The following PLEKHM3 variants were observed in gnomAD, a reference collection of about 807,000 sequenced individuals.
The protein encoded by PLEKHM3 is pleckstrin homology domain-containing family M member 3.
PLEKHM3 carries 45 observed loss-of-function variants against 81.8 expected under a neutral mutation model. That is an observed-to-expected ratio of 0.55 (90% CI 0.43 to 0.71). The LOEUF (loss-of-function observed/expected upper bound fraction) is 0.71, where lower values mean the gene tolerates loss of function less well. Among genes scored for constraint, PLEKHM3 ranks in the 30% least tolerant of loss-of-function variants. The pLI, the probability that PLEKHM3 is intolerant of heterozygous loss-of-function variation, is 0.00. For synonymous variants in PLEKHM3, 352 were observed against 356.4 expected, an observed-to-expected ratio of 0.99 and a Z score of 0.14; for missense variants, 788 against 924.3, an observed-to-expected ratio of 0.85 and a Z score of 1.91.
intron 6 of PLEKHM3, among the ~76,000 whole-genome samples, chr2:207,906,975 G>A (rs1688631094): frequency 6.6e-6 from 1 of 151,994 alleles, no homozygotes; most frequent in Non-Finnish European, 1.5e-5. Flanking sequence ...CAACCAGAGA[G>A]GAAAACAACA....
chr2:207,935,910 A>G (rs756760581), intron 4 of PLEKHM3, among the ~76,000 whole-genome samples: 16 of 152,230 alleles, frequency 1.1e-4, no homozygotes, highest in Non-Finnish European at 2.2e-4. Context: ...TTTGATTTTA[A>G]CTTTAAAATA....
intron 1 of PLEKHM3, among the ~76,000 whole-genome samples, chr2:208,005,545 G>A (rs1051091903): frequency 6.6e-5 from 10 of 152,068 alleles, no homozygotes; most frequent in African/African-American, 1.2e-4. Context: ...GGAAGCCCAC[G>A]GAGGCAAAGT....
rs1442976170 is a variant in PLEKHM3, at chr2:207,824,616, G to C, written c.*3703C>G. On this transcript the variant is annotated 3_prime_UTR_variant, in exon 8 of 8. Transcript: ENST00000427836. Reference sequence around the variant, plus strand: ...CGGCCTTTTCTAGCCAATGGGTAGAGAACAAACTCCCAGGTTTGGAAGCCA... The same window carrying C: ...CGGCCTTTTCTAGCCAATGGGTAGACAACAAACTCCCAGGTTTGGAAGCCA... 6.6e-6 allele frequency: 1 copy of C among 152,220 alleles called. No homozygotes were observed. Among genetic ancestry groups the C allele is most frequent in the Non-Finnish European group, 1.5e-5 (1 of 68,076 alleles). The allele number at this position is 152,220 out of a possible 1,614,324, so 9.4% of individuals were successfully genotyped here.
At chr2:207,867,752 C>T (rs143176705) in intron 6 of PLEKHM3, among the ~76,000 whole-genome samples, 3 of 151,924 alleles carry the variant, frequency 2.0e-5, no homozygotes, top group Admixed American at 6.6e-5. Context: ...ATTTTGGATA[C>T]GTGCTCAAAA....
At chr2:207,929,401 T>G (rs1689511909) in intron 5 of PLEKHM3, among the ~76,000 whole-genome samples, 2 of 152,224 alleles carry the variant, frequency 1.3e-5, no homozygotes, top group East Asian at 1.9e-4. Context: ...CATTATACCA[T>G]AAAGGTATCT....
At position 207,988,384 on chromosome 2, in the gene PLEKHM3, A is replaced by G. The variant is rs367849881; in HGVS notation, c.611-10798T>C. On this transcript the variant is annotated intron_variant, in intron 2 of 7. Coordinates refer to ENST00000427836, the MANE Select transcript of PLEKHM3 (RefSeq NM_001080475.3). ...CTGAGTCTCAGTTTCCTCATCTTTAAAGTGGGGCTATCATAGTAGTATGTA... is the reference window on the plus strand; with the variant it reads ...CTGAGTCTCAGTTTCCTCATCTTTAGAGTGGGGCTATCATAGTAGTATGTA... Among the ~76,000 whole-genome samples, 74 of 152,260 alleles carry G rather than the reference A, an allele frequency of 4.9e-4. 1 individual carries two copies. The South Asian group carries it at 5.4e-3, about 11-fold the overall frequency.
chr2:207,971,029 T>C (rs1691101592), intron 3 of PLEKHM3, among the ~76,000 whole-genome samples: 1 of 152,260 alleles, frequency 6.6e-6, no homozygotes. Context: ...GCTGTTAACA[T>C]GTTCAAATTC....
intron 7 of PLEKHM3, chr2:207,852,709 C>T: frequency 2.5e-6 from 1 of 403,660 alleles, no homozygotes; most frequent in South Asian, 1.8e-5. Context: ...GGGAGGGAGG[C>T]AGGGAAAGGC....
chr2:207,908,754 C>T (rs559721188), intron 5 of PLEKHM3, among the ~76,000 whole-genome samples, 177 bp from the exon 6 acceptor site: 1 of 152,252 alleles, frequency 6.6e-6, no homozygotes, highest in African/African-American at 2.4e-5. Context: ...TTTTTCTTCC[C>T]AACACAGACA....
intron 5 of PLEKHM3, among the ~76,000 whole-genome samples, chr2:207,916,391 C>T (rs532435115): frequency 1.3e-5 from 2 of 152,206 alleles, no homozygotes; most frequent in East Asian, 1.9e-4. Flanking sequence ...GTTTAACAGT[C>T]GCAAGAATAT....
chr2:207,858,880 A>AAG (rs1214486777), intron 7 of PLEKHM3, among the ~76,000 whole-genome samples: 1 of 152,178 alleles, frequency 6.6e-6, no homozygotes, highest in African/African-American at 2.4e-5. Flanking sequence ...AAGACCATGC[A>AAG]ACCATTACCA....
chr2:207,840,521 T>G (rs2092344378), intron 7 of PLEKHM3, among the ~76,000 whole-genome samples: 1 of 152,198 alleles, frequency 6.6e-6, no homozygotes, highest in Non-Finnish European at 1.5e-5. Context: ...ATAGGGCTTT[T>G]CACATCTATT....
intron 1 of PLEKHM3, among the ~76,000 whole-genome samples, chr2:208,015,967 G>A (rs1455246818): frequency 6.6e-6 from 1 of 152,162 alleles, no homozygotes; most frequent in Non-Finnish European, 1.5e-5. Flanking sequence ...GCCGAGGCAG[G>A]TGGATCACCT....
chr2:207,923,777 G>A (rs1559238595), intron 5 of PLEKHM3, among the ~76,000 whole-genome samples: 2 of 144,318 alleles, frequency 1.4e-5, no homozygotes, highest in Non-Finnish European at 1.5e-5. Context: ...GGAAAATAAG[G>A]GAATAATGTC....
chr2:207,844,034 G>C (rs1039344893), intron 7 of PLEKHM3, among the ~76,000 whole-genome samples: 1 of 151,866 alleles, frequency 6.6e-6, no homozygotes, highest in African/African-American at 2.4e-5. Context: ...AGTGAGCCCT[G>C]ATAGTGCCAC....
At chr2:207,984,344 C>A (rs77131959) in intron 2 of PLEKHM3, among the ~76,000 whole-genome samples, 6,161 of 152,130 alleles carry the variant, frequency 0.04, 219 homozygotes, top group African/African-American at 0.096. Flanking sequence ...TTAATAATTC[C>A]TTATCTAATA....
At chr2:207,905,347 A>G (rs1428686859) in intron 6 of PLEKHM3, among the ~76,000 whole-genome samples, 1 of 152,246 alleles carries the variant, frequency 6.6e-6, no homozygotes, top group African/African-American at 2.4e-5. Context: ...GACAAGAAGC[A>G]GGATGATGAA....
chr2:207,852,858 GAA>G (rs35197426), intron 7 of PLEKHM3: 2 of 385,598 alleles, frequency 5.2e-6, no homozygotes, highest in African/African-American at 2.3e-5. Context: ...AAGAAAAAAA[GAA>G]AAAAAAAACC....
chr2:207,930,888 AAAACAAAC>A, intron 5 of PLEKHM3, 30 bp downstream of exon 5: 2 of 1,598,616 alleles, frequency 1.3e-6, no homozygotes, highest in Non-Finnish European at 1.7e-6. Flanking sequence ...GCGGGAAAGA[AAAACAAAC>A]GGGAGCCGTC....
Sources: allele counts gnomAD v4.1 joint callset (sites outside exome capture counted in the v4.1 genomes callset), GRCh38; gene constraint gnomAD v4.1.1; transcripts MANE v1.5; gene names NCBI Gene and HGNC (gene_info 2026-07-23, HGNC 2026-07-21).